Variants in OSGIN2 observed in about 807,000 individuals in gnomAD.
OSGIN2 encodes the protein oxidative stress-induced growth inhibitor 2.
OSGIN2 carries 19 observed loss-of-function variants against 53.8 expected under a neutral mutation model. That is an observed-to-expected ratio of 0.35 (90% CI 0.25 to 0.52). The LOEUF is 0.52. Among genes scored for constraint, OSGIN2 ranks in the 20% least tolerant of loss-of-function variants. The pLI, the probability that OSGIN2 is intolerant of heterozygous loss-of-function variation, is 0.95. For synonymous variants in OSGIN2, 236 were observed against 236.0 expected, an observed-to-expected ratio of 1.00 and a Z score of 0.00; for missense variants, 520 against 662.7, an observed-to-expected ratio of 0.78 and a Z score of 2.36.
chr8:89,921,671 T>C (rs1024058500), intron 5 of OSGIN2, among the ~76,000 whole-genome samples: 3 of 152,012 alleles, frequency 2.0e-5, no homozygotes, highest in Non-Finnish European at 4.4e-5. Flanking sequence ...GGAACATATT[T>C]AATAAAAAAA....
intron 4 of OSGIN2, among the ~76,000 whole-genome samples, chr8:89,918,280 C>G (rs1408233883): frequency 6.6e-6 from 1 of 151,938 alleles, no homozygotes; most frequent in African/African-American, 2.4e-5. Context: ...TTTTCTGATA[C>G]CTTTGTGGAT....
At chr8:89,915,513 G>C (rs1809059665) in intron 4 of OSGIN2, among the ~76,000 whole-genome samples, 1 of 152,204 alleles carries the variant, frequency 6.6e-6, no homozygotes, top group South Asian at 2.1e-4. Context: ...TTAAACCAGA[G>C]AACCAGTGAA....
Position 89,914,022 on chromosome 8 carries a change from G to A in OSGIN2, c.200-55G>A, listed in dbSNP as rs527785222. On this transcript the variant is annotated intron_variant, in intron 2 of 5. Transcript: ENST00000451899. ...TCTTCAAAGTAGGACAAAAGCCAAG[G>A]AACAAGAGTATTAAGATGCATGACC... 964 of 1,504,216 alleles carry A rather than the reference G, an allele frequency of 6.4e-4. 10 individuals are homozygous for A. The South Asian group carries it at 0.01, about 16-fold the overall frequency. The allele number at this position is 1,504,216 out of a possible 1,614,324, so 93.2% of individuals were successfully genotyped here.
Position 89,925,376 on chromosome 8 carries a change from T to G in OSGIN2, c.1494T>G (p.Ile498Met). ...VEIDTYTYEC[I>M]KEANLFALGP... ...TAGATACATATACCTATGAGTGTAT[T>G]AAAGAAGCCAACCTTTTTGCATTGG... is the stretch of plus-strand genomic sequence containing the variant. The change falls in exon 6 of 6, where the codon ATT (isoleucine) becomes ATG (methionine). Residue 498 changes from isoleucine to methionine, a missense_variant. Around this residue, in one of 3 missense-constraint regions of OSGIN2, gnomAD observed 239 missense variants for 328.3 expected, o/e 0.73. Transcript: ENST00000451899. 6.2e-7 allele frequency: 1 copy of G among 1,614,170 alleles called. No homozygotes were observed. The highest frequency in any genetic ancestry group is 8.5e-7 in the Non-Finnish European group (1 of 1,180,008).
chr8:89,922,303 T>C (rs761540300), intron 5 of OSGIN2, among the ~76,000 whole-genome samples: 1 of 152,166 alleles, frequency 6.6e-6, no homozygotes, highest in Admixed American at 6.5e-5. Context: ...TCATGGGTAA[T>C]TGAGATTAAA....
In OSGIN2 at chr8:89,914,651, T is replaced by C. The variant is rs35542900; in HGVS notation, c.433T>C (p.Tyr145His). 3,678 of 1,613,986 alleles carry C rather than the reference T, an allele frequency of 2.3e-3. 62 individuals carry two copies. In the African/African-American group the frequency reaches 0.038, roughly 17 times the overall value. ...TCTTCATCCAGATGCTGACTTTGGG[T>C]ATGATTATCCATCCGTTTTGCATTG... is the stretch of plus-strand genomic sequence containing the variant. ...TLLHPDADFG[Y>H]DYPSVLHWKL... The change falls in exon 4 of 6, where the codon TAT (tyrosine) becomes CAT (histidine). Residue 145 changes from tyrosine to histidine, a missense_variant. Transcript: ENST00000451899.
At chr8:89,923,356 A>G (rs770280262) in intron 5 of OSGIN2, among the ~76,000 whole-genome samples, 1 of 152,192 alleles carries the variant, frequency 6.6e-6, no homozygotes, top group Non-Finnish European at 1.5e-5. Flanking sequence ...AGTTAATTCT[A>G]AATCTTAATA....
intron 4 of OSGIN2, among the ~76,000 whole-genome samples, chr8:89,919,963 T>G (rs181328335): frequency 3.9e-5 from 6 of 152,050 alleles, no homozygotes; most frequent in African/African-American, 1.4e-4. Flanking sequence ...AGGAGAAAAA[T>G]GAAGAGATCA....
chr8:89,903,080 G>T (rs2735377), intron 1 of OSGIN2, among the ~76,000 whole-genome samples: 28,092 of 152,222 alleles, frequency 0.18, 2,683 homozygotes, highest in South Asian at 0.23. Flanking sequence ...GGGACTGCGG[G>T]ATCGGCTAGG....
intron 2 of OSGIN2, among the ~76,000 whole-genome samples, chr8:89,911,971 A>AT (rs1241870451): frequency 2.6e-5 from 4 of 152,190 alleles, no homozygotes; most frequent in East Asian, 3.9e-4. Flanking sequence ...AGTTCTAAAT[A>AT]TTTTTTATTT....
chr8:89,921,299 T>G (rs1809198745), intron 5 of OSGIN2, 128 bp downstream of exon 5: 1 of 595,284 alleles, frequency 1.7e-6, no homozygotes. Flanking sequence ...TAAAAATGTG[T>G]CCTTGAAGCA....
Position 89,926,875 on chromosome 8 carries a change from TGCTTAA to T in OSGIN2, c.*1349_*1354del, listed in dbSNP as rs1160781042. On this transcript the variant is annotated 3_prime_UTR_variant, in exon 6 of 6. Transcript: ENST00000451899. ...CTGTTCATTTTATTGCAGTATTAAATGCTTAAGCTTATTAGGACCATAATTCACTTT... is the reference window on the plus strand; with the variant it reads ...CTGTTCATTTTATTGCAGTATTAAATGCTTATTAGGACCATAATTCACTTT... 6.6e-6 allele frequency: 1 copy of T among 152,206 alleles called. No homozygotes were observed. Among genetic ancestry groups the T allele is most frequent in the South Asian group, 2.1e-4 (1 of 4,832 alleles). The allele number at this position is 152,206 out of a possible 1,614,324, so 9.4% of individuals were successfully genotyped here.
intron 5 of OSGIN2, 53 bp from the exon 6 acceptor site, chr8:89,924,450 A>G (rs528625915): frequency 3.8e-6 from 5 of 1,314,888 alleles, no homozygotes; most frequent in Non-Finnish European, 5.3e-6. Context: ...AGTAATAATC[A>G]TGGAAACTGA....
At chr8:89,902,941 G>T in intron 1 of OSGIN2, 104 bp downstream of exon 1, 1 of 722,138 alleles carries the variant, frequency 1.4e-6, no homozygotes. Flanking sequence ...CGAGCGCCTG[G>T]ACCGCAGCGT....
intron 4 of OSGIN2, among the ~76,000 whole-genome samples, chr8:89,915,768 C>T (rs1483824213): frequency 2.0e-5 from 3 of 152,160 alleles, no homozygotes; most frequent in Non-Finnish European, 2.9e-5. Context: ...TGCAGTTTTG[C>T]ACATCTGAAA....
Position 89,902,757 on chromosome 8 carries a change from C to T in OSGIN2, c.-37C>T, listed in dbSNP as rs1436128770. 6.7e-6 allele frequency: 8 copies of T among 1,201,106 alleles called. No homozygotes were observed. The African/African-American group carries it at 8.0e-5, about 12-fold the overall frequency. 74.4% of individuals were successfully genotyped at this position (1,201,106 alleles called of 1,614,324 possible). A position where few individuals can be genotyped will look rare whatever the true frequency, so the allele number is the denominator to read the frequency against. Reference sequence around the variant, plus strand: ...TCGCCGGGGGAGGCGGAGGCGGCCACGGCGGCCGCGCTCGGGCGCCCCTCG... The same window carrying T: ...TCGCCGGGGGAGGCGGAGGCGGCCATGGCGGCCGCGCTCGGGCGCCCCTCG... On this transcript the variant is annotated 5_prime_UTR_variant, in exon 1 of 6. The change creates a new upstream start codon in the 5' untranslated region. Coordinates refer to ENST00000451899, the MANE Select transcript of OSGIN2 (RefSeq NM_001126111.3).
chr8:89,903,044 T>A (rs144315086), intron 1 of OSGIN2, among the ~76,000 whole-genome samples: 1 of 152,142 alleles, frequency 6.6e-6, no homozygotes, highest in East Asian at 1.9e-4. Context: ...CTGTTCCCTT[T>A]TCTCGCTCTG....
intron 4 of OSGIN2, among the ~76,000 whole-genome samples, chr8:89,916,870 T>C (rs143599925): frequency 2.2e-3 from 328 of 152,284 alleles, no homozygotes; most frequent in African/African-American, 7.5e-3. Flanking sequence ...CATAGCCCTA[T>C]GTCCCATCAG....
intron 5 of OSGIN2, 135 bp from the exon 6 acceptor site, chr8:89,924,368 A>T (rs2130715901): frequency 3.5e-6 from 2 of 575,750 alleles, no homozygotes; most frequent in African/African-American, 3.8e-5. Flanking sequence ...TTTTTTTTTT[A>T]AGTGTTAGGA....
Sources: gnomAD v4.1 joint callset for allele counts (sites outside exome capture counted in the v4.1 genomes callset) on GRCh38, gnomAD v4.1.1 for gene constraint, gnomAD v4.1.1 regional missense constraint, MANE v1.5 for transcripts, NCBI Gene and HGNC (gene_info 2026-07-23, HGNC 2026-07-21) for gene names.